Variants in ABHD2 observed in about 807,000 individuals in gnomAD.
ABHD2 encodes monoacylglycerol lipase ABHD2.
Under a neutral mutation model 48.1 loss-of-function variants are expected in ABHD2, and 20 were observed. That is an observed-to-expected ratio of 0.42 (90% CI 0.29 to 0.60). ABHD2 has a LOEUF of 0.60. Ranked by LOEUF, ABHD2 falls within the 20% of genes least tolerant of loss-of-function variation. The pLI, the probability that ABHD2 is intolerant of heterozygous loss-of-function variation, is 0.24. For missense variants in ABHD2, 405 were observed against 550.9 expected (o/e 0.74, Z 2.65); for synonymous variants, 209 against 214.2 (o/e 0.98, Z 0.21).
Position 89,201,374 on chromosome 15 carries a change from G to T in ABHD2, c.*5951G>T. On this transcript the variant is annotated 3_prime_UTR_variant, in exon 11 of 11. Transcript: ENST00000352732. Reference sequence around the variant, plus strand: ...CCCGTCTTGCTTAGATGCATTCAGTGGGACAGCTTTGCTGGGTTCCATGTC... The same window carrying T: ...CCCGTCTTGCTTAGATGCATTCAGTTGGACAGCTTTGCTGGGTTCCATGTC... 9.2e-7 allele frequency: 1 copy of T among 1,087,990 alleles called. No homozygotes were observed. The highest frequency in any genetic ancestry group is 1.4e-6 in the Non-Finnish European group (1 of 714,122). The allele number at this position is 1,087,990 out of a possible 1,614,324, so 67.4% of individuals were successfully genotyped here.
intron 1 of ABHD2, among the ~76,000 whole-genome samples, chr15:89,103,525 C>T (rs1201009288): frequency 6.6e-6 from 1 of 152,152 alleles, no homozygotes; most frequent in Non-Finnish European, 1.5e-5. Context: ...AAACCTTCGC[C>T]CCTGTGTCAT....
At chr15:89,187,985 G>A (rs1270773219) in intron 7 of ABHD2, among the ~76,000 whole-genome samples, 1 of 152,196 alleles carries the variant, frequency 6.6e-6, no homozygotes, top group Non-Finnish European at 1.5e-5. Flanking sequence ...CCAATCTTTA[G>A]TTTGTCTGGG....
intron 1 of ABHD2, among the ~76,000 whole-genome samples, chr15:89,089,687 GT>G (rs1293633921): frequency 6.6e-6 from 1 of 152,120 alleles, no homozygotes; most frequent in Non-Finnish European, 1.5e-5. Context: ...TTCGAAGGCC[GT>G]TTCCTTACAG....
chr15:89,143,321 C>T (rs1455593552), intron 3 of ABHD2, among the ~76,000 whole-genome samples: 1 of 152,178 alleles, frequency 6.6e-6, no homozygotes, highest in African/African-American at 2.4e-5. Flanking sequence ...GAACGAACCA[C>T]TGGGAGATAA....
chr15:89,168,252 A>G lies in ABHD2; in HGVS notation c.539-7560A>G, dbSNP rs868464713. 7.2e-5 allele frequency among the ~76,000 whole-genome samples: 11 copies of G among 152,184 alleles called. No homozygotes were observed. The highest frequency in any genetic ancestry group is 2.0e-4 in the Admixed American group (3 of 15,278). ...GTTGCCTTTCCAAAATGGCCGTGCA[A>G]TACTCATCTGTCTAAGGCCCAGCTA... is the stretch of plus-strand genomic sequence containing the variant. On this transcript the variant is annotated intron_variant, in intron 5 of 10. Coordinates refer to ENST00000352732, the MANE Select transcript of ABHD2 (RefSeq NM_152924.5). The surrounding 1 kb of genome is among the most constrained non-coding windows in gnomAD (Gnocchi z 4.8).
chr15:89,053,929 C>T, the ABHD2 span, among the ~76,000 whole-genome samples: 2 of 152,196 alleles, frequency 1.3e-5, no homozygotes, highest in African/African-American at 4.8e-5. Context: ...TGACCACTCA[C>T]TTGCCAAGTA....
Position 89,116,653 on chromosome 15 carries a change from G to A in ABHD2, c.194+132G>A, listed in dbSNP as rs1238127385. 2 of 949,234 alleles carry A rather than the reference G, an allele frequency of 2.1e-6. No individual in the cohort carries two copies. Among genetic ancestry groups the A allele is most frequent in the Non-Finnish European group, 3.1e-6 (2 of 647,566 alleles). 58.8% of individuals were successfully genotyped at this position (949,234 alleles called of 1,614,324 possible). A position where few individuals can be genotyped will look rare whatever the true frequency, so the allele number is the denominator to read the frequency against. On this transcript the variant is annotated intron_variant, in intron 3 of 10. Coordinates refer to ENST00000352732, the MANE Select transcript of ABHD2 (RefSeq NM_152924.5). This position sits in a 1 kb window ranked among gnomAD's most constrained non-coding sequence, Gnocchi z 4.6. ...ATATGACGTCACTGGTGTTAAAATAGCCACAGTCTGATTGCAGTCTAGTGT... is the reference window on the plus strand; with the variant it reads ...ATATGACGTCACTGGTGTTAAAATAACCACAGTCTGATTGCAGTCTAGTGT...
At chr15:89,139,637 C>T (rs1348540934) in intron 3 of ABHD2, among the ~76,000 whole-genome samples, 2 of 152,202 alleles carry the variant, frequency 1.3e-5, no homozygotes, top group Non-Finnish European at 2.9e-5. Flanking sequence ...CAGCAGCACA[C>T]TCCTAGTTGG....
chr15:89,123,205 T>C (rs2050079136), intron 3 of ABHD2, among the ~76,000 whole-genome samples: 1 of 152,212 alleles, frequency 6.6e-6, no homozygotes, highest in South Asian at 2.1e-4. Context: ...CGTGTCCGCC[T>C]GGAAGCTGCT....
At chr15:89,123,981 T>C (rs904920146) in intron 3 of ABHD2, among the ~76,000 whole-genome samples, 1 of 152,218 alleles carries the variant, frequency 6.6e-6, no homozygotes, top group African/African-American at 2.4e-5. Flanking sequence ...TCCCTCTCTA[T>C]TGCTGTTGTA....
At chr15:89,078,732 T>C in the ABHD2 span, among the ~76,000 whole-genome samples, 16 of 151,420 alleles carry the variant, frequency 1.1e-4, no homozygotes, top group Admixed American at 9.9e-4. Context: ...AGGCTTTTTT[T>C]TTTTCTTTTT....
chr15:89,201,690 T>C lies in ABHD2; in HGVS notation c.*6267T>C. Reference sequence around the variant, plus strand: ...TTTTCTATCCGATGGATTTCGCAATTTAAGATTTGTAGTGACTACATCTGT... The same window carrying C: ...TTTTCTATCCGATGGATTTCGCAATCTAAGATTTGTAGTGACTACATCTGT... On this transcript the variant is annotated 3_prime_UTR_variant, in exon 11 of 11. Transcript: ENST00000352732. 6.2e-7 allele frequency: 1 copy of C among 1,608,830 alleles called. No individual in the cohort carries two copies.
chr15:89,180,730 T>TCC (rs1298100774), intron 6 of ABHD2, among the ~76,000 whole-genome samples: 3 of 152,128 alleles, frequency 2.0e-5, no homozygotes, highest in Non-Finnish European at 4.4e-5. Context: ...CGTGCCCTCT[T>TCC]CCTCTCTCTG....
At chr15:89,113,276 CT>C (rs1422428284) in intron 1 of ABHD2, among the ~76,000 whole-genome samples, 7 of 152,328 alleles carry the variant, frequency 4.6e-5, no homozygotes, top group African/African-American at 1.4e-4. Flanking sequence ...TGCCCTATTA[CT>C]TTTCTCAGCT....
the ABHD2 span, among the ~76,000 whole-genome samples, chr15:89,061,515 A>G: frequency 3.3e-5 from 5 of 152,290 alleles, no homozygotes; most frequent in South Asian, 1.0e-3. Context: ...ATTATACAAT[A>G]TAACTCATGT....
chr15:89,087,940 C>T (rs1166315554), upstream of ABHD2: 1 of 152,120 alleles, frequency 6.6e-6, no homozygotes, highest in Non-Finnish European at 1.5e-5. This position sits in a 1 kb window ranked among gnomAD's most constrained non-coding sequence, Gnocchi z 5.5. Context: ...CAAATTTCAC[C>T]CCTGCGAAAT....
the ABHD2 span, chr15:89,070,083 C>T: frequency 6.6e-6 from 1 of 152,206 alleles, no homozygotes; most frequent in African/African-American, 2.4e-5. Flanking sequence ...CTCACTTATA[C>T]TATACAGATG....
At chr15:89,041,604 A>G in the ABHD2 span, among the ~76,000 whole-genome samples, 3 of 152,224 alleles carry the variant, frequency 2.0e-5, no homozygotes, top group African/African-American at 7.2e-5. Flanking sequence ...ACCTGAGCCA[A>G]GCCTGTGCCT....
At chr15:89,054,961 C>T in the ABHD2 span, among the ~76,000 whole-genome samples, 9 of 152,068 alleles carry the variant, frequency 5.9e-5, no homozygotes, top group African/African-American at 1.2e-4. Flanking sequence ...CAAGGTGGCT[C>T]ACGACTGTAA....
Sources: gnomAD v4.1 joint callset for allele counts (sites outside exome capture counted in the v4.1 genomes callset) on GRCh38, gnomAD v4.1.1 for gene constraint, Gnocchi (gnomAD v3.1) non-coding constraint, MANE v1.5 for transcripts, NCBI Gene and HGNC (gene_info 2026-07-23, HGNC 2026-07-21) for gene names.